CCDC15: variants seen among roughly 807,000 people sequenced by gnomAD.
CCDC15 encodes the protein coiled-coil domain containing 15.
CCDC15 carries 105 observed loss-of-function variants against 114.5 expected under a neutral mutation model. The ratio of observed to expected loss-of-function variants is 0.92; its 90% CI spans 0.78 to 1.08. CCDC15 has a LOEUF of 1.08. Among genes scored for constraint, CCDC15 ranks in the 50% least tolerant of loss-of-function variants. The pLI is 0.00. For synonymous variants in CCDC15, 334 were observed against 377.8 expected (o/e 0.88, Z 1.34); for missense variants, 1,105 against 1,093.6 (o/e 1.01, Z -0.15).
chr11:124,990,493 G>T (rs1009164893), intron 8 of CCDC15, among the ~76,000 whole-genome samples: 25 of 152,160 alleles, frequency 1.6e-4, no homozygotes, highest in African/African-American at 6.0e-4. Flanking sequence ...CCTTCAGTTT[G>T]TAAAAAACAC....
At chr11:124,997,075 G>T (rs974556220) in intron 11 of CCDC15, among the ~76,000 whole-genome samples, 1 of 152,152 alleles carries the variant, frequency 6.6e-6, no homozygotes, top group Admixed American at 6.5e-5. Flanking sequence ...TTGCGTTGCT[G>T]TATAGCATTC....
intron 9 of CCDC15, 35 bp downstream of exon 9, chr11:124,991,618 A>C: frequency 6.5e-7 from 1 of 1,549,938 alleles, no homozygotes; most frequent in Non-Finnish European, 8.7e-7. Flanking sequence ...ACAGGAAGGA[A>C]GTACCCAGGT....
intron 13 of CCDC15, among the ~76,000 whole-genome samples, chr11:125,013,977 TCTC>T (rs1948613028): frequency 2.0e-5 from 3 of 152,088 alleles, no homozygotes; most frequent in African/African-American, 7.2e-5. Flanking sequence ...TGATCAGTGT[TCTC>T]CTCAAGACAT....
chr11:125,017,756 G>C (rs1948637937), intron 13 of CCDC15, among the ~76,000 whole-genome samples: 1 of 152,040 alleles, frequency 6.6e-6, no homozygotes, highest in South Asian at 2.1e-4. Context: ...GGATGTGGTG[G>C]CAGAAGACAA....
At chr11:124,974,299 A>C (rs1009338271) in intron 4 of CCDC15, among the ~76,000 whole-genome samples, 2 of 152,188 alleles carry the variant, frequency 1.3e-5, no homozygotes, top group African/African-American at 4.8e-5. Flanking sequence ...TTATCTTAAA[A>C]ATGATATATG....
At chr11:125,025,271 T>C (rs1437076956) in intron 13 of CCDC15, among the ~76,000 whole-genome samples, 1 of 150,830 alleles carries the variant, frequency 6.6e-6, no homozygotes, top group Non-Finnish European at 1.5e-5. Context: ...GGTAATAATG[T>C]ATTATCCTTT....
chr11:125,029,005 C>T (rs189728385), intron 13 of CCDC15, among the ~76,000 whole-genome samples: 3 of 152,230 alleles, frequency 2.0e-5, no homozygotes, highest in Non-Finnish European at 4.4e-5. Context: ...AGTCCCAAAA[C>T]GAAAGAACCT....
intron 6 of CCDC15, among the ~76,000 whole-genome samples, chr11:124,982,486 T>C (rs886275290): frequency 1.3e-5 from 2 of 152,236 alleles, no homozygotes; most frequent in African/African-American, 4.8e-5. Flanking sequence ...GGTCTGATGG[T>C]AATGAATTCC....
intron 13 of CCDC15, among the ~76,000 whole-genome samples, chr11:125,016,212 C>T (rs1182304229): frequency 2.0e-4 from 30 of 152,098 alleles, no homozygotes. Flanking sequence ...TACAAGGACT[C>T]CTGAAATATT....
In CCDC15 at chr11:125,038,550, T is replaced by A. The variant is rs780781165; in HGVS notation, c.2531T>A (p.Leu844His). ...KLSEILAQLQ[L>H]QEIKGTREKQ... ...AGTGAGATATTAGCCCAGTTACAAC[T>A]TCAAGAAATAAAAGGAACCAGAGAA... is the stretch of plus-strand genomic sequence containing the variant. The change falls in exon 14 of 16, where the codon CTT (leucine) becomes CAT (histidine). Residue 844 changes from leucine to histidine, a missense_variant. Physicochemically the swap from Leu to His is moderately conservative, Grantham distance 99. Coordinates refer to ENST00000344762, the MANE Select transcript of CCDC15 (RefSeq NM_025004.3). 3 of 1,580,478 alleles carry A rather than the reference T, an allele frequency of 1.9e-6. No homozygotes were observed. Among genetic ancestry groups the A allele is most frequent in the Non-Finnish European group, 2.6e-6 (3 of 1,165,004 alleles).
chr11:124,970,575 A>G (rs571107484), intron 4 of CCDC15, among the ~76,000 whole-genome samples: 37 of 152,356 alleles, frequency 2.4e-4, no homozygotes, highest in African/African-American at 8.9e-4. Context: ...TTACATTGGT[A>G]TTAGTCCTCC....
intron 13 of CCDC15, among the ~76,000 whole-genome samples, chr11:125,024,043 G>T (rs1948679116): frequency 6.6e-6 from 1 of 151,880 alleles, no homozygotes; most frequent in Non-Finnish European, 1.5e-5. Context: ...ACATTATGGT[G>T]GTGGGGAAAT....
In CCDC15 at chr11:125,040,578, C is replaced by G; in HGVS notation, c.2735-12C>G. 1 of 1,597,136 alleles carries G rather than the reference C, an allele frequency of 6.3e-7. No homozygotes were observed. Among genetic ancestry groups the G allele is most frequent in the Non-Finnish European group, 8.5e-7 (1 of 1,171,046 alleles). On this transcript the variant is annotated splice_polypyrimidine_tract_variant and intron_variant, in intron 15 of 15. Transcript: ENST00000344762. ...TGACTTTATTCATTGCTGTGCAAAC[C>G]TTTTTTTGCAGCATATACTCGGGCA...
At chr11:125,004,983 T>G (rs1686571477) in intron 12 of CCDC15, 126 bp from the exon 13 acceptor site, 1 of 501,364 alleles carries the variant, frequency 2.0e-6, no homozygotes, top group South Asian at 3.8e-5. Flanking sequence ...GACTTAATCA[T>G]GTAACTTCTA....
intron 13 of CCDC15, among the ~76,000 whole-genome samples, chr11:125,011,209 T>C (rs905000127): frequency 2.1e-4 from 31 of 150,554 alleles, no homozygotes; most frequent in African/African-American, 7.6e-4. Context: ...CAACTGTTTC[T>C]GTAATAGAAG....
At chr11:125,021,267 A>G (rs1357652354) in intron 13 of CCDC15, among the ~76,000 whole-genome samples, 2 of 151,858 alleles carry the variant, frequency 1.3e-5, no homozygotes, top group African/African-American at 4.8e-5. Flanking sequence ...AGTTTCAGGA[A>G]GGAGGGAGTG....
At chr11:125,017,924 A>G (rs540297253) in intron 13 of CCDC15, among the ~76,000 whole-genome samples, 35 of 152,274 alleles carry the variant, frequency 2.3e-4, no homozygotes, top group Non-Finnish European at 3.8e-4. Context: ...GCTGTACAAC[A>G]TGCTTGTGTT....
rs780111552 is a variant in CCDC15, at chr11:125,005,096, T to C, written c.2308-13T>C. The C allele has an allele frequency of 3.2e-6, 4 of 1,266,878 alleles. 1 individual carries two copies. Among genetic ancestry groups the C allele is most frequent in the South Asian group, 2.9e-5 (2 of 70,094 alleles). The allele number at this position is 1,266,878 out of a possible 1,614,324, so 78.5% of individuals were successfully genotyped here. A position where few individuals can be genotyped will look rare whatever the true frequency, so the allele number is the denominator to read the frequency against. ...AAAGCAGAATCTTAGTAATTTTAAC[T>C]TCTTACCTTTAGCGTCAAAAGCAGT... On this transcript the variant is annotated splice_polypyrimidine_tract_variant and intron_variant, in intron 12 of 15. Transcript: ENST00000344762.
At chr11:124,993,122 G>T in intron 10 of CCDC15, 47 bp from the exon 11 acceptor site, 1 of 1,213,678 alleles carries the variant, frequency 8.2e-7, no homozygotes, top group South Asian at 1.3e-5. Context: ...TCACTAGCCC[G>T]TCATTTCTGC....
Sources: allele counts gnomAD v4.1 joint callset (sites outside exome capture counted in the v4.1 genomes callset), GRCh38; gene constraint gnomAD v4.1.1; transcripts MANE v1.5; gene names NCBI Gene and HGNC (gene_info 2026-07-23, HGNC 2026-07-21).